SH3BP4: variants seen among roughly 807,000 people sequenced by gnomAD.
The protein encoded by SH3BP4 is SH3 domain binding protein 4, also known as SH3 domain-binding protein 4.
Under a neutral mutation model 65.5 loss-of-function variants are expected in SH3BP4, and 33 were observed. The observed-to-expected ratio is 0.50, with a 90% CI of 0.38 to 0.67. The LOEUF (loss-of-function observed/expected upper bound fraction) is 0.67. SH3BP4 is among the 30% of genes least tolerant of loss of function. The probability of loss-of-function intolerance (pLI) is 0.00; values close to 1 mark genes in which losing one functional copy is unlikely to be tolerated. For synonymous variants in SH3BP4, 552 were observed against 545.5 expected (o/e 1.01, Z -0.17); for missense variants, 1,134 against 1,261.4 (o/e 0.90, Z 1.53).
intron 1 of SH3BP4, among the ~76,000 whole-genome samples, chr2:234,980,566 A>C (rs974152418): frequency 2.0e-5 from 3 of 152,096 alleles, no homozygotes; most frequent in Non-Finnish European, 4.4e-5. Context: ...CAAAAACCAC[A>C]CTTGCTGTGA....
intron 4 of SH3BP4, among the ~76,000 whole-genome samples, chr2:235,049,616 C>A (rs1695980172): frequency 6.6e-6 from 1 of 152,240 alleles, no homozygotes; most frequent in Admixed American, 6.5e-5. Flanking sequence ...CTTTTATCTT[C>A]TGAAACAAAT....
At position 234,978,069 on chromosome 2, in the gene SH3BP4, C is replaced by T. The variant is rs564988176; in HGVS notation, c.-206-17234C>T. Among the ~76,000 whole-genome samples the T allele has an allele frequency of 2.0e-5, 3 of 152,206 alleles. No homozygotes were observed. Among genetic ancestry groups the T allele is most frequent in the Non-Finnish European group, 4.4e-5 (3 of 68,040 alleles). ...CTCCTGGGTTTAAGCAATTCTCCTG[C>T]CTCAGCCTCCCGAGTAGCTGGGATT... is the stretch of plus-strand genomic sequence containing the variant. On this transcript the variant is annotated intron_variant, in intron 1 of 5. Transcript: ENST00000392011. The surrounding 1 kb of genome is among the most constrained non-coding windows in gnomAD (Gnocchi z 4.1).
At chr2:235,010,719 T>A (rs1192790796) in intron 2 of SH3BP4, among the ~76,000 whole-genome samples, 1 of 152,148 alleles carries the variant, frequency 6.6e-6, no homozygotes, top group Non-Finnish European at 1.5e-5. Flanking sequence ...CCAAAGACTC[T>A]AGGAGAACCC....
Position 234,997,575 on chromosome 2 carries a change from C to T in SH3BP4, c.-133+2199C>T, listed in dbSNP as rs934102627. ...AGCAGAGCACGGCCGATTGCTCCTC[C>T]GGGGAGTGTCAGCTAGGGGACGGAG... On this transcript the variant is annotated intron_variant, in intron 2 of 5. Transcript: ENST00000392011. This position sits in a 1 kb window ranked among gnomAD's most constrained non-coding sequence, Gnocchi z 4.2. 2.1e-4 allele frequency among the ~76,000 whole-genome samples: 32 copies of T among 152,142 alleles called. No homozygotes were observed. The highest frequency in any genetic ancestry group is 7.2e-4 in the African/African-American group (30 of 41,428).
Position 235,046,827 on chromosome 2 carries a change from A to G in SH3BP4, c.2478+3580A>G, listed in dbSNP as rs1695876194. ...GCGGGAGGCATTCTCACGTGGCCAT[A>G]CCATGCTTCTGTTCTGTGGTTCCAT... On this transcript the variant is annotated intron_variant, in intron 4 of 5. Coordinates refer to ENST00000392011, the MANE Select transcript of SH3BP4 (RefSeq NM_014521.3). This position sits in a 1 kb window ranked among gnomAD's most constrained non-coding sequence, Gnocchi z 4.2. Among the ~76,000 whole-genome samples, 1 of 152,142 alleles carries G rather than the reference A, an allele frequency of 6.6e-6. No homozygotes were observed. The highest frequency in any genetic ancestry group is 2.1e-4 in the South Asian group (1 of 4,828).
intron 1 of SH3BP4, among the ~76,000 whole-genome samples, chr2:234,986,940 T>A (rs891163334): frequency 1.3e-5 from 2 of 151,984 alleles, no homozygotes; most frequent in Non-Finnish European, 2.9e-5. Context: ...GCCCGGCTAA[T>A]TTTTTGTATT....
At chr2:234,957,438 C>G (rs1270366511) in intron 1 of SH3BP4, among the ~76,000 whole-genome samples, 1 of 151,876 alleles carries the variant, frequency 6.6e-6, no homozygotes, top group Admixed American at 6.6e-5. Context: ...CACGACACCC[C>G]TGCTTCCCCT....
At chr2:235,011,148 T>C (rs1411491200) in intron 2 of SH3BP4, among the ~76,000 whole-genome samples, 1 of 132,672 alleles carries the variant, frequency 7.5e-6, no homozygotes, top group African/African-American at 3.6e-5. Context: ...GAACCCTTCC[T>C]CCCTCTCCTA....
At chr2:234,988,215 A>G (rs984689647) in intron 1 of SH3BP4, among the ~76,000 whole-genome samples, 11 of 151,786 alleles carry the variant, frequency 7.2e-5, no homozygotes, top group African/African-American at 2.7e-4. Context: ...GCCCACCACC[A>G]CGCCTGGCTA....
intron 2 of SH3BP4, among the ~76,000 whole-genome samples, chr2:235,016,200 G>A (rs1694680359): frequency 6.6e-6 from 1 of 152,008 alleles, no homozygotes; most frequent in African/African-American, 2.4e-5. Flanking sequence ...GGGCCCAGGG[G>A]AGCTTGCTGT....
At chr2:234,965,141 T>C (rs1224798905) in intron 1 of SH3BP4, among the ~76,000 whole-genome samples, 4 of 152,146 alleles carry the variant, frequency 2.6e-5, no homozygotes, top group Non-Finnish European at 5.9e-5. Context: ...AAGCTGACGG[T>C]TGAATCATTG....
chr2:234,957,716 G>A (rs953196926), intron 1 of SH3BP4, among the ~76,000 whole-genome samples: 15 of 151,862 alleles, frequency 9.9e-5, no homozygotes, highest in African/African-American at 1.2e-4. Flanking sequence ...AAAGCTTCCC[G>A]GGTGACTGTA....
chr2:235,048,805 A>G (rs1306542732), intron 4 of SH3BP4, among the ~76,000 whole-genome samples: 3 of 152,192 alleles, frequency 2.0e-5, no homozygotes, highest in African/African-American at 7.2e-5. Context: ...TCCCTTTATA[A>G]AGTTCAGTCA....
chr2:235,002,392 C>G (rs116824336), intron 2 of SH3BP4, among the ~76,000 whole-genome samples: 1 of 152,232 alleles, frequency 6.6e-6, no homozygotes, highest in African/African-American at 2.4e-5. Flanking sequence ...TTAGCAGCCT[C>G]GTTTTACAGA....
intron 2 of SH3BP4, among the ~76,000 whole-genome samples, chr2:235,018,256 C>T (rs1694749698): frequency 6.6e-6 from 1 of 152,080 alleles, no homozygotes; most frequent in Admixed American, 6.5e-5. Context: ...GAGTGAGGTG[C>T]AGTTCCAGAA....
At position 235,034,681 on chromosome 2, in the gene SH3BP4, GAC is replaced by G. The variant is rs888105441; in HGVS notation, c.-132-188_-132-187del. 3.7e-4 allele frequency among the ~76,000 whole-genome samples: 57 copies of G among 152,350 alleles called. No individual in the cohort carries two copies. The highest frequency in any genetic ancestry group is 1.3e-3 in the African/African-American group (53 of 41,584). Reference sequence around the variant, plus strand: ...CTGTGTGTGCCCAGTGTGCCAATGAGACAAGCACAAAGTGGGCACAGAGGCCA... The same window carrying G: ...CTGTGTGTGCCCAGTGTGCCAATGAGAAGCACAAAGTGGGCACAGAGGCCA... On this transcript the variant is annotated intron_variant, in intron 2 of 5. Coordinates refer to ENST00000392011, the MANE Select transcript of SH3BP4 (RefSeq NM_014521.3). The surrounding 1 kb of genome is among the most constrained non-coding windows in gnomAD (Gnocchi z 6.2).
In SH3BP4 at chr2:235,042,468, G is replaced by A. The variant is rs779992872; in HGVS notation, c.1699G>A (p.Gly567Ser). Reference sequence around the variant, plus strand: ...GGTGCGAGGATTCCAGCTGAAGCTGGGCAAGGTGAGCCGCCTGATCTTCCC... The same window carrying A: ...GGTGCGAGGATTCCAGCTGAAGCTGAGCAAGGTGAGCCGCCTGATCTTCCC... ...KVVRGFQLKL[G>S]KVSRLIFPIT... The change falls in exon 4 of 6, where the codon GGC (glycine) becomes AGC (serine). Residue 567 changes from glycine to serine, a missense_variant. By Grantham distance (56) the Gly-to-Ser change is moderately conservative (BLOSUM62 0). Coordinates refer to ENST00000392011, the MANE Select transcript of SH3BP4 (RefSeq NM_014521.3). This position sits in a 1 kb window ranked among gnomAD's most constrained non-coding sequence, Gnocchi z 7.3. 2 of 1,614,140 alleles carry A rather than the reference G, an allele frequency of 1.2e-6. No homozygotes were observed. The highest frequency in any genetic ancestry group is 1.7e-5 in the Admixed American group (1 of 60,010).
At chr2:235,039,147 G>A (rs565289518) in intron 3 of SH3BP4, among the ~76,000 whole-genome samples, 10 of 152,134 alleles carry the variant, frequency 6.6e-5, no homozygotes, top group South Asian at 2.1e-4. Context: ...TCCCAGAGCC[G>A]GGTTCTCTGA....
At chr2:234,960,753 C>T (rs1013537700) in intron 1 of SH3BP4, among the ~76,000 whole-genome samples, 2 of 152,166 alleles carry the variant, frequency 1.3e-5, no homozygotes, top group South Asian at 2.1e-4. Context: ...GTGTTACGCA[C>T]TGAGACACTT....
Sources: gnomAD v4.1 joint callset for allele counts (sites outside exome capture counted in the v4.1 genomes callset) on GRCh38, gnomAD v4.1.1 for gene constraint, Gnocchi (gnomAD v3.1) non-coding constraint, MANE v1.5 for transcripts, NCBI Gene and HGNC (gene_info 2026-07-23, HGNC 2026-07-21) for gene names.